Variants in WDPCP observed in about 807,000 individuals in gnomAD.
WDPCP encodes WD repeat-containing and planar cell polarity effector protein fritz homolog.
WDPCP carries 71 observed loss-of-function variants against 93.1 expected under a neutral mutation model. The ratio of observed to expected loss-of-function variants is 0.76; its 90% CI spans 0.63 to 0.93. WDPCP has a LOEUF of 0.93. Among genes scored for constraint, WDPCP ranks in the 40% least tolerant of loss-of-function variants. The pLI is 0.00. For synonymous variants in WDPCP, 315 were observed against 315.0 expected (o/e 1.00, Z 0.00); for missense variants, 844 against 887.4 (o/e 0.95, Z 0.62).
intron 8 of WDPCP, 112 bp downstream of exon 8, chr2:63,437,309 G>A: frequency 1.1e-6 from 1 of 952,142 alleles, no homozygotes; most frequent in Non-Finnish European, 1.5e-6. Flanking sequence ...AATATTTCCA[G>A]TTTTTCTGAA....
At chr2:63,529,150 C>T (rs6743844) in intron 1 of WDPCP, among the ~76,000 whole-genome samples, 152,268 of 152,334 alleles carry the variant, frequency 1, 76,101 homozygotes, top group Middle Eastern at 1. Flanking sequence ...TACAATCGTG[C>T]CATCTGCAAA....
chr2:63,142,441 G>T (rs1671135275), intron 17 of WDPCP, among the ~76,000 whole-genome samples: 1 of 152,084 alleles, frequency 6.6e-6, no homozygotes, highest in Non-Finnish European at 1.5e-5. Flanking sequence ...TATTTGTATG[G>T]TTCTGAAGGT....
chr2:63,804,189 C>T (rs531928670), intron 2 of WDPCP, among the ~76,000 whole-genome samples: 17 of 151,802 alleles, frequency 1.1e-4, no homozygotes, highest in Non-Finnish European at 2.5e-4. Flanking sequence ...AAGTGTTTTT[C>T]TCAGTTCCTT....
At chr2:63,268,166 T>A (rs76820011) in intron 13 of WDPCP, among the ~76,000 whole-genome samples, 9,323 of 152,192 alleles carry the variant, frequency 0.061, 528 homozygotes, top group African/African-American at 0.15. Flanking sequence ...ATTTTTTCAT[T>A]TGTGACAATA....
chr2:63,366,323 T>C (rs142237076), intron 12 of WDPCP, among the ~76,000 whole-genome samples: 2 of 152,016 alleles, frequency 1.3e-5, no homozygotes, highest in African/African-American at 4.8e-5. Flanking sequence ...GTCTTATTCC[T>C]TAGCATTTAA....
At chr2:63,138,857 A>G (rs1054313467) in intron 17 of WDPCP, among the ~76,000 whole-genome samples, 1 of 148,608 alleles carries the variant, frequency 6.7e-6, no homozygotes. Flanking sequence ...CCCCCTTCCC[A>G]CTCTTCCCCC....
At chr2:63,478,334 A>G (rs903118283) in intron 6 of WDPCP, among the ~76,000 whole-genome samples, 3 of 152,124 alleles carry the variant, frequency 2.0e-5, no homozygotes, top group African/African-American at 7.2e-5. Context: ...CTAGAAAAAA[A>G]ATGGATTTAA....
intron 2 of WDPCP, among the ~76,000 whole-genome samples, chr2:63,730,046 G>A (rs1356579985): frequency 1.3e-5 from 2 of 152,164 alleles, no homozygotes; most frequent in Non-Finnish European, 2.9e-5. Flanking sequence ...GTAAGGGAGG[G>A]AAAGAGTAGT....
At chr2:63,764,425 G>A (rs1278960758) in intron 2 of WDPCP, among the ~76,000 whole-genome samples, 3 of 152,198 alleles carry the variant, frequency 2.0e-5, no homozygotes, top group Non-Finnish European at 4.4e-5. Flanking sequence ...GGCAGCAGGT[G>A]TATCTCTGCA....
intron 6 of WDPCP, among the ~76,000 whole-genome samples, chr2:63,456,689 TA>T (rs1197096072): frequency 6.6e-6 from 1 of 151,552 alleles, no homozygotes; most frequent in African/African-American, 2.4e-5. Flanking sequence ...CAAAATAGAC[TA>T]AAAAAAATTA....
intron 15 of WDPCP, among the ~76,000 whole-genome samples, chr2:63,170,846 A>C (rs1673332042): frequency 6.6e-6 from 1 of 152,186 alleles, no homozygotes; most frequent in Non-Finnish European, 1.5e-5. Context: ...GGCACTTGTT[A>C]GCATATATTC....
intron 3 of WDPCP, among the ~76,000 whole-genome samples, chr2:63,628,565 C>G (rs1367558129): frequency 2.0e-5 from 3 of 152,016 alleles, no homozygotes; most frequent in East Asian, 1.9e-4. Context: ...GTTTAAGATT[C>G]AAAACAGAAA....
chr2:63,449,029 T>C (rs1194350661), intron 6 of WDPCP, among the ~76,000 whole-genome samples: 1 of 152,064 alleles, frequency 6.6e-6, no homozygotes, highest in East Asian at 1.9e-4. Flanking sequence ...CAAAAAAAAA[T>C]GGTATGTGAG....
intron 2 of WDPCP, among the ~76,000 whole-genome samples, chr2:63,790,621 A>C (rs186715744): frequency 6.6e-6 from 1 of 152,336 alleles, no homozygotes; most frequent in East Asian, 1.9e-4. Flanking sequence ...AGTTCAGCTC[A>C]TGGTTAGGAC....
intron 12 of WDPCP, among the ~76,000 whole-genome samples, chr2:63,322,431 C>G (rs758240229): frequency 6.6e-6 from 1 of 152,184 alleles, no homozygotes; most frequent in Non-Finnish European, 1.5e-5. Flanking sequence ...CTCTTTGGGT[C>G]CATGCTGCCT....
At chr2:63,127,807 T>G (rs562352443) in intron 17 of WDPCP, among the ~76,000 whole-genome samples, 1 of 151,722 alleles carries the variant, frequency 6.6e-6, no homozygotes, top group South Asian at 2.1e-4. Context: ...TCTACCATAA[T>G]TCCACATTAA....
At chr2:63,208,064 C>A (rs1676475447) in intron 14 of WDPCP, among the ~76,000 whole-genome samples, 1 of 151,986 alleles carries the variant, frequency 6.6e-6, no homozygotes, top group Non-Finnish European at 1.5e-5. Flanking sequence ...TCTAAAAAAT[C>A]TTCTTTAATC....
At chr2:63,672,453 CA>C (rs1311267927) in intron 2 of WDPCP, among the ~76,000 whole-genome samples, 1 of 152,044 alleles carries the variant, frequency 6.6e-6, no homozygotes, top group Non-Finnish European at 1.5e-5. Flanking sequence ...GCATAGAAAA[CA>C]TGCAAACTAT....
chr2:63,810,697 A>G (rs551777787), intron 2 of WDPCP, among the ~76,000 whole-genome samples: 5 of 152,348 alleles, frequency 3.3e-5, no homozygotes, highest in African/African-American at 1.2e-4. Flanking sequence ...TTTATTCCAT[A>G]TTTTTTATAC....
Sources: gnomAD v4.1 joint callset for allele counts (sites outside exome capture counted in the v4.1 genomes callset) on GRCh38, gnomAD v4.1.1 for gene constraint, MANE v1.5 for transcripts, NCBI Gene and HGNC (gene_info 2026-07-23, HGNC 2026-07-21) for gene names.